ELP3: variants seen among roughly 807,000 people sequenced by gnomAD.
ELP3 encodes the protein elongator acetyltransferase complex subunit 3.
A neutral mutation model predicts 74.9 loss-of-function variants in ELP3; 56 were observed. That is an observed-to-expected ratio of 0.75 (90% confidence interval 0.60 to 0.93). The LOEUF is 0.93. Ranked by LOEUF, ELP3 falls within the 40% of genes least tolerant of loss-of-function variation. The pLI, the probability that ELP3 is intolerant of heterozygous loss-of-function variation, is 0.00. For synonymous variants in ELP3, 222 were observed against 239.8 expected (o/e 0.93, Z 0.68); for missense variants, 573 against 686.5 (o/e 0.83, Z 1.85).
rs1337543610 is a variant in ELP3 at position 28,093,194 on chromosome 8, C to T, written c.-21C>T. Reference sequence around the variant, plus strand: ...GTGGCTGCATTTTTATCTCTGGTGGCTCTGCTACGGCGGCGCAGAAATGAG... The same window carrying T: ...GTGGCTGCATTTTTATCTCTGGTGGTTCTGCTACGGCGGCGCAGAAATGAG... On this transcript the variant is annotated 5_prime_UTR_variant, in exon 1 of 15. Coordinates refer to ENST00000256398, the MANE Select transcript of ELP3 (RefSeq NM_018091.6). 2.5e-6 allele frequency: 4 copies of T among 1,612,482 alleles called. No homozygotes were observed. Among genetic ancestry groups the T allele is most frequent in the East Asian group, 4.5e-5 (2 of 44,860 alleles).
intron 7 of ELP3, among the ~76,000 whole-genome samples, chr8:28,124,808 G>A (rs1437260247): frequency 2.0e-5 from 3 of 152,158 alleles, no homozygotes; most frequent in African/African-American, 7.2e-5. Flanking sequence ...TCTGTAAGCT[G>A]CAGTGCCACC....
intron 7 of ELP3, among the ~76,000 whole-genome samples, chr8:28,116,032 T>C (rs1039901425): frequency 6.6e-6 from 1 of 152,216 alleles, no homozygotes; most frequent in East Asian, 1.9e-4. Flanking sequence ...AAAGCAGTTC[T>C]TGGCACATAG....
intron 2 of ELP3, 71 bp from the exon 3 acceptor site, chr8:28,099,757 A>G (rs1811397330): frequency 8.4e-6 from 13 of 1,556,038 alleles, no homozygotes; most frequent in Non-Finnish European, 1.1e-5. Flanking sequence ...GATGTTGTTT[A>G]TAGATCATCC....
chr8:28,175,329 C>T (rs1252914475), intron 14 of ELP3, among the ~76,000 whole-genome samples: 1 of 151,926 alleles, frequency 6.6e-6, no homozygotes, highest in African/African-American at 2.4e-5. Flanking sequence ...TTTTTTCTTT[C>T]TGCTCCTCAG....
intron 6 of ELP3, among the ~76,000 whole-genome samples, chr8:28,111,374 CT>C (rs1051458178): frequency 2.6e-5 from 4 of 152,254 alleles, no homozygotes; most frequent in Admixed American, 1.3e-4. Context: ...TTATTTTAAA[CT>C]TGTCCAATTT....
Position 28,180,985 on chromosome 8 carries a change from C to G in ELP3, c.1568-8664C>G, listed in dbSNP as rs575141295. Among the ~76,000 whole-genome samples the G allele has an allele frequency of 3.9e-5, 6 of 152,288 alleles. No individual in the cohort carries two copies. The East Asian group carries it at 1.2e-3, about 29-fold the overall frequency. ...CACTGGGGGAGTGTTATGACTGCTT[C>G]TCTGCTTCTGGTGGCCGCAAGACAC... On this transcript the variant is annotated intron_variant, in intron 14 of 14. Coordinates refer to ENST00000256398, the MANE Select transcript of ELP3 (RefSeq NM_018091.6).
chr8:28,097,804 G>A (rs546330743), intron 2 of ELP3, among the ~76,000 whole-genome samples: 2 of 152,190 alleles, frequency 1.3e-5, no homozygotes, highest in Non-Finnish European at 2.9e-5. Context: ...TGCATTGTAT[G>A]TATTAGCTCA....
At chr8:28,173,304 T>C (rs943291136) in intron 14 of ELP3, among the ~76,000 whole-genome samples, 1 of 152,022 alleles carries the variant, frequency 6.6e-6, no homozygotes, top group Non-Finnish European at 1.5e-5. Context: ...AGTTTCTTGT[T>C]ATGTATTTAT....
At chr8:28,161,952 C>T (rs774467092) in intron 13 of ELP3, 45 bp from the exon 14 acceptor site, 1 of 1,595,940 alleles carries the variant, frequency 6.3e-7, no homozygotes, top group South Asian at 1.1e-5. Flanking sequence ...TCTTAATGAA[C>T]TTCCTTCCTT....
chr8:28,121,263 T>C (rs966375172), intron 7 of ELP3, among the ~76,000 whole-genome samples: 1 of 151,856 alleles, frequency 6.6e-6, no homozygotes, highest in African/African-American at 2.4e-5. Flanking sequence ...TTTGTATGTG[T>C]TTTGGTGCTA....
intron 10 of ELP3, among the ~76,000 whole-genome samples, chr8:28,143,725 A>G (rs1488235737): frequency 6.6e-6 from 1 of 152,198 alleles, no homozygotes; most frequent in Non-Finnish European, 1.5e-5. Flanking sequence ...CACTACAGCT[A>G]AACTTCATAG....
rs1482995671 is a variant in ELP3 at position 28,160,321 on chromosome 8, C to T, written c.1350C>T (p.Leu450=). The T allele has an allele frequency of 1.2e-6, 2 of 1,614,048 alleles. No homozygotes were observed. Among genetic ancestry groups the T allele is most frequent in the Admixed American group, 1.7e-5 (1 of 60,008 alleles). Residue 450 remains leucine, a synonymous_variant, in exon 13 of 15, where the codon CTC becomes CTT. Coordinates refer to ENST00000256398, the MANE Select transcript of ELP3 (RefSeq NM_018091.6). ...EDPDQDILIG[L]LRLRKCSEET... is the part of the protein sequence containing the mutation. ...CAGATCAAGACATTTTGATTGGCCT[C>T]CTACGATTACGCAAGTGTTCAGAAG...
At chr8:28,173,766 T>C (rs1195244128) in intron 14 of ELP3, among the ~76,000 whole-genome samples, 4 of 152,014 alleles carry the variant, frequency 2.6e-5, no homozygotes, top group Non-Finnish European at 5.9e-5. Flanking sequence ...CTCTGAGCAC[T>C]GTTTTTGCTG....
intron 14 of ELP3, among the ~76,000 whole-genome samples, chr8:28,187,843 G>A (rs1434648222): frequency 6.6e-6 from 1 of 152,170 alleles, no homozygotes; most frequent in Non-Finnish European, 1.5e-5. Context: ...GGGTCATGCA[G>A]CACCTGTGGA....
chr8:28,108,966 AGG>A (rs998428212), intron 5 of ELP3, among the ~76,000 whole-genome samples: 1 of 152,102 alleles, frequency 6.6e-6, no homozygotes, highest in African/African-American at 2.4e-5. Flanking sequence ...AATATGTGAA[AGG>A]GGCATTCCTA....
At chr8:28,168,778 A>G (rs1814408083) in intron 14 of ELP3, among the ~76,000 whole-genome samples, 1 of 152,326 alleles carries the variant, frequency 6.6e-6, no homozygotes, top group Non-Finnish European at 1.5e-5. Flanking sequence ...TCTTTTCTCT[A>G]AATATTTGAC....
intron 14 of ELP3, among the ~76,000 whole-genome samples, chr8:28,189,303 C>T (rs868164341): frequency 6.6e-6 from 1 of 152,248 alleles, no homozygotes; most frequent in Non-Finnish European, 1.5e-5. Flanking sequence ...TCTCCTTCAC[C>T]TGTAGCACCT....
chr8:28,129,737 T>C (rs1585680112), intron 8 of ELP3, 74 bp downstream of exon 8: 1 of 1,567,800 alleles, frequency 6.4e-7, no homozygotes, highest in East Asian at 2.2e-5. Flanking sequence ...ATACCCAGCC[T>C]TTCTTCCTTC....
At chr8:28,153,581 A>G (rs1311703531) in intron 10 of ELP3, among the ~76,000 whole-genome samples, 1 of 152,188 alleles carries the variant, frequency 6.6e-6, no homozygotes, top group East Asian at 1.9e-4. Context: ...GCAGGACAAC[A>G]GAGCATCATT....
Sources: gnomAD v4.1 joint callset for allele counts (sites outside exome capture counted in the v4.1 genomes callset) on GRCh38, gnomAD v4.1.1 for gene constraint, MANE v1.5 for transcripts, NCBI Gene and HGNC (gene_info 2026-07-23, HGNC 2026-07-21) for gene names.